XKR9: variants seen among roughly 807,000 people sequenced by gnomAD.
XKR9 encodes XK-related protein 9.
Under a neutral mutation model 32.0 loss-of-function variants are expected in XKR9, and 32 were observed. The ratio of observed to expected loss-of-function variants is 1.00; its 90% CI spans 0.76 to 1.34. The LOEUF (loss-of-function observed/expected upper bound fraction) is 1.34, where lower values mean the gene tolerates loss of function less well. XKR9 is among the 40% of genes most tolerant of loss of function. The probability of loss-of-function intolerance (pLI) is 0.00; values close to 1 mark genes in which losing one functional copy is unlikely to be tolerated. For missense variants in XKR9, 546 were observed against 429.7 expected (o/e 1.27, Z -2.39); for synonymous variants, 168 against 143.4 (o/e 1.17, Z -1.22).
rs983128803 is a variant in XKR9 at position 70,744,921 on chromosome 8, C to T, written n.352+37768C>T. ...ATGCCAGCCTGAATGATTTATTTGC[C>T]TATGATATAGTTTTTTAAAAAGTCT... On this transcript the variant is annotated intron_variant and non_coding_transcript_variant, in intron 2 of 3. Coordinates refer to the XKR9 transcript ENST00000520273. Among the ~76,000 whole-genome samples, 5 of 150,184 alleles carry T rather than the reference C, an allele frequency of 3.3e-5. 1 individual carries two copies. Among genetic ancestry groups the T allele is most frequent in the Admixed American group, 6.6e-5 (1 of 15,104 alleles).
intron 2 of XKR9, among the ~76,000 whole-genome samples, chr8:70,741,353 C>G (rs1471326649): frequency 6.6e-6 from 1 of 152,172 alleles, no homozygotes; most frequent in Admixed American, 6.5e-5. Flanking sequence ...GCAAAGAGGC[C>G]CTCATCAGAT....
the XKR9 span, among the ~76,000 whole-genome samples, chr8:70,978,586 G>A: frequency 6.6e-6 from 1 of 152,170 alleles, no homozygotes; most frequent in African/African-American, 2.4e-5. Context: ...GGCTTGTAGA[G>A]TTTCTGCTGA....
At chr8:70,777,451 T>A (rs1807543160) in intron 2 of XKR9, among the ~76,000 whole-genome samples, 1 of 152,234 alleles carries the variant, frequency 6.6e-6, no homozygotes, top group African/African-American at 2.4e-5. Flanking sequence ...GCATGATTTA[T>A]AATCCTTTGG....
At chr8:70,763,375 T>C (rs1807333194) in intron 2 of XKR9, among the ~76,000 whole-genome samples, 1 of 152,176 alleles carries the variant, frequency 6.6e-6, no homozygotes, top group African/African-American at 2.4e-5. Context: ...GCTAACTTTT[T>C]TCAGATAACT....
the XKR9 span, among the ~76,000 whole-genome samples, chr8:70,836,384 T>C: frequency 5.3e-5 from 8 of 152,096 alleles, no homozygotes; most frequent in Admixed American, 1.3e-4. Context: ...CTGTTCTGTG[T>C]GTGTGTATTT....
chr8:70,869,759 C>CTG, the XKR9 span, among the ~76,000 whole-genome samples: 1 of 152,156 alleles, frequency 6.6e-6, no homozygotes, highest in Non-Finnish European at 1.5e-5. Context: ...ACTAGAGGTA[C>CTG]TGGTAAGGGC....
At chr8:71,027,681 CT>C in the XKR9 span, among the ~76,000 whole-genome samples, 1 of 149,380 alleles carries the variant, frequency 6.7e-6, no homozygotes, top group Non-Finnish European at 1.5e-5. Context: ...AGCTTTGTTC[CT>C]TTTGTTCAAA....
the XKR9 span, among the ~76,000 whole-genome samples, chr8:70,885,662 T>G: frequency 6.6e-6 from 1 of 152,096 alleles, no homozygotes; most frequent in Admixed American, 6.5e-5. Flanking sequence ...AGTGGCGCGA[T>G]CTCAGCTCAC....
intron 3 of XKR9, among the ~76,000 whole-genome samples, chr8:70,703,411 A>C (rs147537198): frequency 3.3e-5 from 5 of 152,244 alleles, no homozygotes; most frequent in African/African-American, 9.6e-5. Context: ...GGTGGCTGGG[A>C]AATCCAAGAG....
downstream of XKR9, among the ~76,000 whole-genome samples, chr8:70,740,722 A>G (rs2130160949): frequency 6.6e-6 from 1 of 152,310 alleles, no homozygotes; most frequent in South Asian, 2.1e-4. Flanking sequence ...GGAGTTTGCT[A>G]GAGGTCCACT....
At chr8:70,904,980 T>C in the XKR9 span, among the ~76,000 whole-genome samples, 1 of 152,248 alleles carries the variant, frequency 6.6e-6, no homozygotes, top group Non-Finnish European at 1.5e-5. Flanking sequence ...GAGTTTCTGC[T>C]GAGAGATCAG....
the XKR9 span, among the ~76,000 whole-genome samples, chr8:70,857,694 A>T: frequency 2.2e-3 from 335 of 152,324 alleles, 2 homozygotes; most frequent in African/African-American, 7.8e-3. Context: ...ATCTCTGATG[A>T]ACACCGATGT....
downstream of XKR9, among the ~76,000 whole-genome samples, chr8:70,739,539 G>A (rs1806929210): frequency 6.6e-6 from 1 of 152,130 alleles, no homozygotes; most frequent in Non-Finnish European, 1.5e-5. Context: ...TTGCTCATTA[G>A]TTGATGCAGT....
chr8:71,034,896 A>G, the XKR9 span, among the ~76,000 whole-genome samples: 7 of 152,176 alleles, frequency 4.6e-5, no homozygotes, highest in African/African-American at 1.7e-4. Flanking sequence ...TATCTTTCCA[A>G]CTTCATGAAT....
At chr8:70,855,148 G>T in the XKR9 span, among the ~76,000 whole-genome samples, 64 of 152,180 alleles carry the variant, frequency 4.2e-4, no homozygotes, top group Admixed American at 3.9e-3. Flanking sequence ...GACGAGTTGA[G>T]AGAAGAAGGC....
chr8:70,929,218 G>A, the XKR9 span, among the ~76,000 whole-genome samples: 2 of 152,194 alleles, frequency 1.3e-5, no homozygotes, highest in African/African-American at 4.8e-5. Context: ...CTAGTCTATA[G>A]TGGTCAGTAT....
intron 2 of XKR9, among the ~76,000 whole-genome samples, chr8:70,778,010 A>C (rs755242362): frequency 1.2e-4 from 18 of 152,144 alleles, no homozygotes; most frequent in Non-Finnish European, 1.9e-4. Flanking sequence ...TTGGTGTTTT[A>C]GTCATGAAGT....
At chr8:70,796,624 A>G in the XKR9 span, among the ~76,000 whole-genome samples, 1 of 152,150 alleles carries the variant, frequency 6.6e-6, no homozygotes, top group Non-Finnish European at 1.5e-5. Flanking sequence ...TGTAACTCTA[A>G]TAATGTTACA....
the XKR9 span, among the ~76,000 whole-genome samples, chr8:71,013,488 G>A: frequency 2.0e-5 from 3 of 152,178 alleles, no homozygotes; most frequent in Non-Finnish European, 4.4e-5. Context: ...TGCCCCAGGG[G>A]CAGAAGTGAA....
Sources: gnomAD v4.1 joint callset for allele counts (sites outside exome capture counted in the v4.1 genomes callset) on GRCh38, gnomAD v4.1.1 for gene constraint, MANE v1.5 for transcripts, NCBI Gene and HGNC (gene_info 2026-07-23, HGNC 2026-07-21) for gene names.